SLC26A7: variants seen among roughly 807,000 people sequenced by gnomAD.
The protein encoded by SLC26A7 is solute carrier family 26 member 7.
A neutral mutation model predicts 82.5 loss-of-function variants in SLC26A7; 59 were observed. That is an observed-to-expected ratio of 0.72 (90% CI 0.58 to 0.89). The LOEUF (loss-of-function observed/expected upper bound fraction) is 0.89. SLC26A7 is among the 40% of genes least tolerant of loss of function. The pLI is 0.00. For synonymous variants in SLC26A7, 271 were observed against 274.3 expected, an observed-to-expected ratio of 0.99 and a Z score of 0.12; for missense variants, 820 against 793.0, an observed-to-expected ratio of 1.03 and a Z score of -0.41.
chr8:91,264,571 A>G (rs759720144), intron 2 of SLC26A7, among the ~76,000 whole-genome samples: 5 of 151,860 alleles, frequency 3.3e-5, no homozygotes, highest in Admixed American at 6.6e-5. Flanking sequence ...GTCTCTCCCC[A>G]GTCCTCCCCA....
intron 2 of SLC26A7, among the ~76,000 whole-genome samples, chr8:91,254,011 TA>T (rs560242729): frequency 6.6e-6 from 1 of 152,094 alleles, no homozygotes; most frequent in East Asian, 1.9e-4. Flanking sequence ...ATACTGATAG[TA>T]AAAAAATACA....
intron 2 of SLC26A7, among the ~76,000 whole-genome samples, chr8:91,279,348 G>T (rs555525769): frequency 1.3e-5 from 2 of 151,618 alleles, no homozygotes; most frequent in Admixed American, 6.6e-5. Context: ...GAAGTTCTAT[G>T]TTTAATTTTT....
At chr8:91,243,604 T>A (rs1810502662) in intron 2 of SLC26A7, among the ~76,000 whole-genome samples, 1 of 152,082 alleles carries the variant, frequency 6.6e-6, no homozygotes, top group Non-Finnish European at 1.5e-5. Flanking sequence ...TGCAGAATAT[T>A]CAACTAAGTA....
chr8:91,279,709 A>G (rs570419511), intron 2 of SLC26A7, among the ~76,000 whole-genome samples: 3 of 151,930 alleles, frequency 2.0e-5, no homozygotes, highest in Non-Finnish European at 4.4e-5. Flanking sequence ...ATAGGCGTCC[A>G]CCACCACGCC....
At chr8:91,211,614 ATAT>A (rs1443009832) in intron 1 of SLC26A7, among the ~76,000 whole-genome samples, 4 of 140,748 alleles carry the variant, frequency 2.8e-5, no homozygotes, top group African/African-American at 1.1e-4. Flanking sequence ...ATATATATAT[ATAT>A]TTTTTTTTTA....
intron 2 of SLC26A7, among the ~76,000 whole-genome samples, chr8:91,275,427 T>G (rs1004139730): frequency 6.6e-6 from 1 of 152,152 alleles, no homozygotes; most frequent in African/African-American, 2.4e-5. Flanking sequence ...GTCTCCTGAG[T>G]AGCTGGGACT....
At chr8:91,347,312 A>C (rs772939459) in intron 9 of SLC26A7, among the ~76,000 whole-genome samples, 9 of 152,208 alleles carry the variant, frequency 5.9e-5, no homozygotes, top group Non-Finnish European at 1.2e-4. Flanking sequence ...GAGAAGCACT[A>C]TTGAACAGAA....
At chr8:91,343,521 AG>A in intron 9 of SLC26A7, 55 bp downstream of exon 9, 1 of 1,210,714 alleles carries the variant, frequency 8.3e-7, no homozygotes. Context: ...CTCCCATTCT[AG>A]GAGAGTGGGA....
intron 2 of SLC26A7, among the ~76,000 whole-genome samples, chr8:91,272,687 C>T (rs376741505): frequency 6.6e-6 from 1 of 152,052 alleles, no homozygotes; most frequent in East Asian, 1.9e-4. Flanking sequence ...AGAATTGAAA[C>T]TGGAGAATTT....
intron 15 of SLC26A7, among the ~76,000 whole-genome samples, chr8:91,375,254 T>G (rs550432784): frequency 1.3e-5 from 2 of 150,886 alleles, no homozygotes. Context: ...TAATATTGAT[T>G]TGTGAGGTTT....
intron 15 of SLC26A7, among the ~76,000 whole-genome samples, chr8:91,384,519 C>G (rs941231405): frequency 1.3e-5 from 2 of 152,112 alleles, no homozygotes; most frequent in Non-Finnish European, 2.9e-5. Context: ...GATTAAAATG[C>G]GTGCATCCTT....
chr8:91,389,895 C>T (rs1244263260), intron 16 of SLC26A7, among the ~76,000 whole-genome samples: 2 of 152,188 alleles, frequency 1.3e-5, no homozygotes, highest in Admixed American at 6.5e-5. Context: ...AATGCAGGGG[C>T]TTTTCTCTGT....
chr8:91,391,559 A>G (rs1366296185), intron 16 of SLC26A7, among the ~76,000 whole-genome samples: 1 of 152,094 alleles, frequency 6.6e-6, no homozygotes, highest in Non-Finnish European at 1.5e-5. Context: ...TTCTAGCTGA[A>G]CCTAAATTGT....
intron 2 of SLC26A7, among the ~76,000 whole-genome samples, chr8:91,235,779 T>C (rs1311966723): frequency 6.6e-6 from 1 of 152,232 alleles, no homozygotes; most frequent in Non-Finnish European, 1.5e-5. Flanking sequence ...TATTACCAGT[T>C]TTAATGCCAA....
intron 1 of SLC26A7, chr8:91,218,823 T>C (rs1810106189): frequency 3.0e-6 from 3 of 991,930 alleles, no homozygotes; most frequent in Non-Finnish European, 4.4e-6. Flanking sequence ...AGAAAGCAAA[T>C]ATTTATTTTA....
intron 15 of SLC26A7, among the ~76,000 whole-genome samples, chr8:91,377,344 A>AG (rs1030244509): frequency 7.5e-4 from 114 of 152,054 alleles, no homozygotes; most frequent in African/African-American, 2.4e-3. Context: ...CCTTTGTCCC[A>AG]GGGGGGCTTT....
rs1174936236 is a variant in SLC26A7, at chr8:91,364,346, C to A, written c.1488+808C>A. Among the ~76,000 whole-genome samples the A allele has an allele frequency of 2.0e-5, 3 of 151,970 alleles. No homozygotes were observed. The East Asian group carries it at 5.8e-4, about 29-fold the overall frequency. On this transcript the variant is annotated intron_variant, in intron 13 of 18. Transcript: ENST00000276609. ...GTAAACTGGCCTCCCACCAGAAGGA[C>A]CAGAGTCAGGGTATTTCCAAATAGA...
chr8:91,297,858 C>T (rs1812056962), intron 4 of SLC26A7, among the ~76,000 whole-genome samples: 1 of 152,058 alleles, frequency 6.6e-6, no homozygotes, highest in Non-Finnish European at 1.5e-5. Context: ...TTTGCTCTTG[C>T]TTGCATATTA....
intron 5 of SLC26A7, among the ~76,000 whole-genome samples, chr8:91,323,524 T>G (rs1432590697): frequency 6.6e-6 from 1 of 152,200 alleles, no homozygotes; most frequent in African/African-American, 2.4e-5. Flanking sequence ...AATGCTTGGT[T>G]GTATGTTTGG....
Sources: allele counts gnomAD v4.1 joint callset (sites outside exome capture counted in the v4.1 genomes callset), GRCh38; gene constraint gnomAD v4.1.1; transcripts MANE v1.5; gene names NCBI Gene and HGNC (gene_info 2026-07-23, HGNC 2026-07-21).